The following CCDC171 variants were observed in gnomAD, a reference collection of about 807,000 sequenced individuals.
The protein encoded by CCDC171 is coiled-coil domain containing 171.
Under a neutral mutation model 168.2 loss-of-function variants are expected in CCDC171, and 177 were observed. That is an observed-to-expected ratio of 1.05 (90% CI 0.93 to 1.19). The LOEUF (loss-of-function observed/expected upper bound fraction) is 1.19. Ranked by LOEUF, CCDC171 falls within the 50% of genes most tolerant of loss-of-function variation. The pLI, the probability that CCDC171 is intolerant of heterozygous loss-of-function variation, is 0.00. For synonymous variants in CCDC171, 687 were observed against 540.8 expected (o/e 1.27, Z -3.75); for missense variants, 1,991 against 1,539.0 (o/e 1.29, Z -4.91).
At chr9:16,043,347 A>G (rs1833603313) in intron 1 of CCDC171, among the ~76,000 whole-genome samples, 2 of 152,070 alleles carry the variant, frequency 1.3e-5, no homozygotes, top group Non-Finnish European at 2.9e-5. Context: ...ATTTATTATG[A>G]CTATCATTTG....
At chr9:15,654,072 C>T (rs1230188271) in intron 7 of CCDC171, among the ~76,000 whole-genome samples, 1 of 152,030 alleles carries the variant, frequency 6.6e-6, no homozygotes, top group Admixed American at 6.6e-5. Context: ...CAGCGGAATG[C>T]CTGTTATTTT....
intron 6 of CCDC171, among the ~76,000 whole-genome samples, chr9:15,620,638 A>C (rs1422010451): frequency 1.3e-5 from 2 of 152,216 alleles, no homozygotes; most frequent in Non-Finnish European, 2.9e-5. Context: ...ACAGCAAAAG[A>C]TTTAGAATAT....
intron 2 of CCDC171, among the ~76,000 whole-genome samples, chr9:15,570,145 A>G (rs1266151697): frequency 3.3e-5 from 5 of 151,612 alleles, no homozygotes; most frequent in Admixed American, 6.6e-5. Flanking sequence ...AATTTTTTAT[A>G]TTTTTAGTAG....
chr9:15,905,440 T>C (rs1258724579), intron 24 of CCDC171, among the ~76,000 whole-genome samples: 3 of 151,960 alleles, frequency 2.0e-5, no homozygotes, highest in Non-Finnish European at 4.4e-5. Flanking sequence ...CATAATGAAA[T>C]GAGGGCAGAA....
intron 18 of CCDC171, among the ~76,000 whole-genome samples, chr9:15,766,847 G>A (rs1381258213): frequency 1.3e-5 from 2 of 152,010 alleles, no homozygotes; most frequent in Non-Finnish European, 2.9e-5. Flanking sequence ...TTTTTGTAGA[G>A]ATGGGAGTCT....
At chr9:15,573,321 G>A (rs547246702) in intron 3 of CCDC171, among the ~76,000 whole-genome samples, 14 of 152,200 alleles carry the variant, frequency 9.2e-5, no homozygotes, top group Non-Finnish European at 2.1e-4. Context: ...TGTCACCCAG[G>A]CTGGAGTGCA....
chr9:15,599,798 A>T (rs1479136854), intron 6 of CCDC171, among the ~76,000 whole-genome samples: 1 of 152,124 alleles, frequency 6.6e-6, no homozygotes, highest in Non-Finnish European at 1.5e-5. Flanking sequence ...TCAGACGTAG[A>T]TTTGGTCTTT....
intron 21 of CCDC171, among the ~76,000 whole-genome samples, chr9:15,809,374 T>G (rs2135927339): frequency 6.6e-6 from 1 of 152,330 alleles, no homozygotes; most frequent in Middle Eastern, 3.4e-3. Flanking sequence ...AATTCCTCAG[T>G]CTCACTGTGT....
chr9:16,018,777 C>T (rs112058896), intron 3 of CCDC171, among the ~76,000 whole-genome samples: 2,639 of 152,294 alleles, frequency 0.017, 75 homozygotes, highest in African/African-American at 0.059. Context: ...AAGAAAGTTG[C>T]TGATACCCAA....
chr9:15,599,148 A>G (rs1341021529), intron 6 of CCDC171, among the ~76,000 whole-genome samples: 1 of 152,162 alleles, frequency 6.6e-6, no homozygotes, highest in Non-Finnish European at 1.5e-5. Flanking sequence ...GCCCATTTAC[A>G]TTTAAGATTA....
the CCDC171 span, among the ~76,000 whole-genome samples, chr9:16,095,839 C>T: frequency 7.6e-6 from 1 of 131,108 alleles, no homozygotes; most frequent in African/African-American, 2.9e-5. Context: ...CCCACATAGA[C>T]ATGTATGTGT....
chr9:16,069,075 G>A, the CCDC171 span, among the ~76,000 whole-genome samples: 1 of 152,140 alleles, frequency 6.6e-6, no homozygotes, highest in Admixed American at 6.5e-5. Context: ...CACATGAGGT[G>A]GACTTCCTGC....
intron 6 of CCDC171, among the ~76,000 whole-genome samples, chr9:15,602,632 C>CTTTTTTTTTTTTTTTTT (rs1050799184): frequency 1.9e-4 from 6 of 31,000 alleles, no homozygotes; most frequent in South Asian, 1.3e-3. Flanking sequence ...TTTCTCATTT[C>CTTTTTTTTTTTTTTTTT]TTTTTTTTTT....
chr9:15,557,852 C>T (rs2038939380), intron 1 of CCDC171, among the ~76,000 whole-genome samples: 1 of 152,076 alleles, frequency 6.6e-6, no homozygotes, highest in Admixed American at 6.6e-5. Context: ...TTTGCCCATT[C>T]AGTATGATAT....
At chr9:15,943,713 C>T (rs561283685) in intron 25 of CCDC171, among the ~76,000 whole-genome samples, 1 of 151,918 alleles carries the variant, frequency 6.6e-6, no homozygotes, top group South Asian at 2.1e-4. Flanking sequence ...CTCTTCCCAT[C>T]TTTTATGCAG....
At chr9:15,829,331 A>G (rs2060138258) in intron 21 of CCDC171, among the ~76,000 whole-genome samples, 1 of 152,210 alleles carries the variant, frequency 6.6e-6, no homozygotes, top group South Asian at 2.1e-4. Flanking sequence ...AAGCCGATAC[A>G]TGATAACTTG....
At chr9:15,555,624 G>A (rs892824681) in intron 1 of CCDC171, among the ~76,000 whole-genome samples, 1 of 152,134 alleles carries the variant, frequency 6.6e-6, no homozygotes, top group Non-Finnish European at 1.5e-5. Flanking sequence ...TGTAAATCCT[G>A]ACCCTGTCAC....
chr9:15,789,978 C>G (rs1339740365), intron 21 of CCDC171, among the ~76,000 whole-genome samples: 1 of 152,110 alleles, frequency 6.6e-6, no homozygotes, highest in Non-Finnish European at 1.5e-5. Context: ...ATATGTGCCA[C>G]CTTTTCTTAA....
intron 21 of CCDC171, among the ~76,000 whole-genome samples, chr9:15,827,383 G>A (rs2060057185): frequency 6.6e-6 from 1 of 152,044 alleles, no homozygotes; most frequent in Middle Eastern, 3.2e-3. Context: ...TACAACTTGA[G>A]CCTCTTCTAG....
Sources: allele counts gnomAD v4.1 joint callset (sites outside exome capture counted in the v4.1 genomes callset), GRCh38; gene constraint gnomAD v4.1.1; transcripts MANE v1.5; gene names NCBI Gene and HGNC (gene_info 2026-07-23, HGNC 2026-07-21).